ST6GAL1: variants seen among roughly 807,000 people sequenced by gnomAD.
ST6GAL1 encodes the protein ST6 beta-galactoside alpha-2,6-sialyltransferase 1, also known as beta-galactoside alpha-2,6-sialyltransferase 1.
Under a neutral mutation model 38.0 loss-of-function variants are expected in ST6GAL1, and 20 were observed. The ratio of observed to expected loss-of-function variants is 0.53; its 90% CI spans 0.37 to 0.77. The LOEUF is 0.77. Among genes scored for constraint, ST6GAL1 ranks in the 30% least tolerant of loss-of-function variants. ST6GAL1 has a pLI of 0.00. For missense variants in ST6GAL1, 432 were observed against 496.4 expected, an observed-to-expected ratio of 0.87 and a Z score of 1.23; for synonymous variants, 196 against 188.2, an observed-to-expected ratio of 1.04 and a Z score of -0.34.
Position 187,024,130 on chromosome 3 carries a change from T to C in ST6GAL1, c.-182-14612T>C, listed in dbSNP as rs1407546069. Among the ~76,000 whole-genome samples, 3 of 152,038 alleles carry C rather than the reference T, an allele frequency of 2.0e-5. No individual in the cohort carries two copies. The East Asian group carries it at 5.8e-4, about 29-fold the overall frequency. The stretch of plus-strand genomic sequence containing the variant: ...TGTTTTTTGAGACAAAGTCTCGCTG[T>C]GTCACCCAGGATGGAGTACAGTGGC... On this transcript the variant is annotated intron_variant, in intron 2 of 7. Coordinates refer to ENST00000169298, the MANE Select transcript of ST6GAL1 (RefSeq NM_173216.2).
At chr3:186,988,310 G>A (rs1716025270) in intron 2 of ST6GAL1, among the ~76,000 whole-genome samples, 1 of 152,076 alleles carries the variant, frequency 6.6e-6, no homozygotes, top group South Asian at 2.1e-4. Flanking sequence ...TGTTGGTCAT[G>A]GGGATAATGC....
chr3:186,933,448 C>A (rs1245334402), intron 1 of ST6GAL1, among the ~76,000 whole-genome samples: 1 of 152,178 alleles, frequency 6.6e-6, no homozygotes. Context: ...AGCTCGGAAC[C>A]ACCGAACGCG....
At chr3:186,940,608 T>C (rs1714133624) in intron 1 of ST6GAL1, among the ~76,000 whole-genome samples, 1 of 152,328 alleles carries the variant, frequency 6.6e-6, no homozygotes, top group Admixed American at 6.5e-5. Context: ...TTCTTTTTTC[T>C]TTAATCTCAT....
chr3:187,021,198 G>A (rs936915944), intron 2 of ST6GAL1, among the ~76,000 whole-genome samples: 2 of 151,950 alleles, frequency 1.3e-5, no homozygotes, highest in Admixed American at 6.6e-5. Context: ...TCCTGACCTC[G>A]TGATCCACCT....
intron 2 of ST6GAL1, among the ~76,000 whole-genome samples, chr3:187,023,783 T>C (rs537862433): frequency 2.3e-3 from 355 of 151,804 alleles, no homozygotes; most frequent in Non-Finnish European, 4.0e-3. Flanking sequence ...TACCTAATGC[T>C]AAATGATGAG....
chr3:187,018,916 T>C (rs1162581893), intron 2 of ST6GAL1, among the ~76,000 whole-genome samples: 4 of 152,154 alleles, frequency 2.6e-5, no homozygotes, highest in Non-Finnish European at 5.9e-5. Flanking sequence ...CACTTGAGTA[T>C]CTCGAAAAGC....
chr3:187,046,018 C>T (rs546711597), intron 4 of ST6GAL1, among the ~76,000 whole-genome samples: 2 of 152,302 alleles, frequency 1.3e-5, no homozygotes, highest in East Asian at 3.9e-4. Flanking sequence ...AGGTTTCATT[C>T]TTTAAGCCAT....
chr3:186,937,425 C>T (rs1327930331), intron 1 of ST6GAL1, among the ~76,000 whole-genome samples: 1 of 152,202 alleles, frequency 6.6e-6, no homozygotes, highest in Non-Finnish European at 1.5e-5. Flanking sequence ...GAGGCCTGCA[C>T]ATGGCCTTGA....
At position 187,074,159 on chromosome 3, in the gene ST6GAL1, T is replaced by TCC; in HGVS notation, c.805_806insCC (p.Trp269SerfsTer64). The stretch of plus-strand genomic sequence containing the variant: ...AGAGGACCACTTCTTTCTTTTTCAG[T>TCC]GGTACCAGAATCCGGATTATAATTT... On this transcript the variant is annotated frameshift_variant and splice_region_variant, in exon 7 of 8. Coordinates refer to ENST00000169298, the MANE Select transcript of ST6GAL1 (RefSeq NM_173216.2). LOFTEE classifies it high-confidence loss of function. 6.2e-7 allele frequency: 1 copy of TCC among 1,604,726 alleles called. No individual in the cohort carries two copies. The highest frequency in any genetic ancestry group is 8.5e-7 in the Non-Finnish European group (1 of 1,175,936).
intron 1 of ST6GAL1, among the ~76,000 whole-genome samples, chr3:186,945,734 C>T (rs1714335796): frequency 6.6e-6 from 1 of 151,964 alleles, no homozygotes. Context: ...TGCCTGTAAT[C>T]TCAGCACTTT....
At chr3:186,936,140 A>T (rs1196972059) in intron 1 of ST6GAL1, among the ~76,000 whole-genome samples, 1 of 152,154 alleles carries the variant, frequency 6.6e-6, no homozygotes, top group African/African-American at 2.4e-5. Flanking sequence ...AGCTCAGAGA[A>T]AATTGATCTA....
chr3:187,015,803 C>T (rs1289255476), intron 2 of ST6GAL1, among the ~76,000 whole-genome samples: 1 of 151,948 alleles, frequency 6.6e-6, no homozygotes, highest in Non-Finnish European at 1.5e-5. Context: ...TGAGCCACTG[C>T]ATTCCAGCCT....
chr3:187,057,905 A>G (rs1001386834), intron 5 of ST6GAL1, among the ~76,000 whole-genome samples: 2 of 152,190 alleles, frequency 1.3e-5, no homozygotes, highest in Admixed American at 1.3e-4. Context: ...CCAGAGGTGG[A>G]GTCTACAGAG....
chr3:186,951,400 GC>G (rs1390617246), intron 1 of ST6GAL1, among the ~76,000 whole-genome samples: 2 of 152,174 alleles, frequency 1.3e-5, no homozygotes, highest in Non-Finnish European at 2.9e-5. Context: ...GGTGTTGTAG[GC>G]CATGTCGCTT....
intron 1 of ST6GAL1, among the ~76,000 whole-genome samples, chr3:186,937,481 C>T (rs1714003508): frequency 6.6e-6 from 1 of 152,170 alleles, no homozygotes; most frequent in Admixed American, 6.5e-5. Context: ...CTTTAATACC[C>T]CAGTCTTCAA....
chr3:187,050,942 A>T (rs1256879383), intron 4 of ST6GAL1, among the ~76,000 whole-genome samples: 1 of 152,208 alleles, frequency 6.6e-6, no homozygotes, highest in Non-Finnish European at 1.5e-5. Context: ...ACTCCACTGT[A>T]AGTAGCACAC....
intron 2 of ST6GAL1, among the ~76,000 whole-genome samples, chr3:187,015,846 A>G (rs1257585734): frequency 6.6e-6 from 1 of 152,158 alleles, no homozygotes; most frequent in Admixed American, 6.5e-5. Flanking sequence ...CTCAGGAAAA[A>G]AAAATAAAAA....
chr3:187,005,241 T>C (rs1477825361), intron 2 of ST6GAL1, among the ~76,000 whole-genome samples: 1 of 151,738 alleles, frequency 6.6e-6, no homozygotes, highest in African/African-American at 2.4e-5. Flanking sequence ...GGGTTCATTA[T>C]CTGTCATCCA....
At chr3:187,039,670 A>G (rs1436228284) in intron 3 of ST6GAL1, among the ~76,000 whole-genome samples, 1 of 152,258 alleles carries the variant, frequency 6.6e-6, no homozygotes, top group Non-Finnish European at 1.5e-5. Flanking sequence ...ACATTTGTAG[A>G]GAAAAGTTTG....
Sources: gnomAD v4.1 joint callset for allele counts (sites outside exome capture counted in the v4.1 genomes callset) on GRCh38, gnomAD v4.1.1 for gene constraint, MANE v1.5 for transcripts, NCBI Gene and HGNC (gene_info 2026-07-23, HGNC 2026-07-21) for gene names.